The following SYN3 variants were observed in gnomAD, a reference collection of about 807,000 sequenced individuals.
SYN3 encodes the protein synapsin III.
SYN3 carries 35 observed loss-of-function variants against 65.8 expected under a neutral mutation model. The observed-to-expected ratio is 0.53, with a 90% CI of 0.41 to 0.70. The LOEUF is 0.70. Ranked by LOEUF, SYN3 falls within the 30% of genes least tolerant of loss-of-function variation. The pLI, the probability that SYN3 is intolerant of heterozygous loss-of-function variation, is 0.00. For missense variants in SYN3, 680 were observed against 749.0 expected (o/e 0.91, Z 1.08); for synonymous variants, 270 against 292.9 (o/e 0.92, Z 0.80).
At position 32,801,848 on chromosome 22, in the gene SYN3, C is replaced by A; in HGVS notation, c.711+63067G>T. On this transcript the variant is annotated intron_variant, in intron 6 of 13. Transcript: ENST00000358763. This position sits in a 1 kb window ranked among gnomAD's most constrained non-coding sequence, Gnocchi z 4.7. ...AGCCTCGCTGCGCCCCATCCCGTCC[C>A]GCCGGGCACTCGGAGGGCAGCGCGC... The A allele has an allele frequency of 1.0e-6, 1 of 993,622 alleles. No homozygotes were observed. Among genetic ancestry groups the A allele is most frequent in the Non-Finnish European group, 1.3e-6 (1 of 777,904 alleles). 61.6% of individuals were successfully genotyped at this position (993,622 alleles called of 1,614,324 possible).
intron 6 of SYN3, among the ~76,000 whole-genome samples, chr22:32,633,013 G>A (rs1174580679): frequency 2.0e-5 from 3 of 152,138 alleles, no homozygotes; most frequent in African/African-American, 7.2e-5. Context: ...GTTCTCACCC[G>A]GCTCCTTCAC....
intron 6 of SYN3, among the ~76,000 whole-genome samples, chr22:32,619,448 G>C (rs1205691034): frequency 6.6e-6 from 1 of 152,146 alleles, no homozygotes; most frequent in Non-Finnish European, 1.5e-5. Flanking sequence ...AGGTCACTGG[G>C]TCAGACTGTG....
chr22:32,673,067 T>C (rs1201368113), intron 6 of SYN3, among the ~76,000 whole-genome samples: 2 of 152,222 alleles, frequency 1.3e-5, no homozygotes, highest in African/African-American at 2.4e-5. Flanking sequence ...TGTGGATTCC[T>C]TTCTGGGTGT....
At chr22:32,965,850 A>G (rs530958854) in intron 3 of SYN3, among the ~76,000 whole-genome samples, 65 of 152,114 alleles carry the variant, frequency 4.3e-4, no homozygotes, top group Admixed American at 9.2e-4. Context: ...GCCCGCCACC[A>G]CACCCGGCTA....
In SYN3 at chr22:32,787,314, C is replaced by T. The variant is rs951989567; in HGVS notation, c.711+77601G>A. ...CCTCTTGCTTCAACCTCCCAAAGTG[C>T]TGGGATTACAGGCGTGAGCCACCGC... On this transcript the variant is annotated intron_variant, in intron 6 of 13. Transcript: ENST00000358763. Among the ~76,000 whole-genome samples, 91 of 152,214 alleles carry T rather than the reference C, an allele frequency of 6.0e-4. 2 individuals are homozygous for T. The highest frequency in any genetic ancestry group is 2.6e-4 in the Non-Finnish European group (18 of 68,030).
chr22:32,512,540 T>G lies in SYN3; in HGVS notation c.*1152A>C, dbSNP rs1447927487. 6.6e-6 allele frequency: 1 copy of G among 152,182 alleles called. No individual in the cohort carries two copies. Among genetic ancestry groups the G allele is most frequent in the Non-Finnish European group, 1.5e-5 (1 of 68,030 alleles). The allele number at this position is 152,182 out of a possible 1,614,324, so 9.4% of individuals were successfully genotyped here. On this transcript the variant is annotated 3_prime_UTR_variant, in exon 14 of 14. Transcript: ENST00000358763. ...CCAGCTCTGCAACTAACTTATTGAG[T>G]CAAATCATCAGTTTGGATTTAACAA...
chr22:32,779,567 C>T (rs896144593), intron 6 of SYN3, among the ~76,000 whole-genome samples: 15 of 152,300 alleles, frequency 9.8e-5, no homozygotes, highest in Admixed American at 2.0e-4. Flanking sequence ...ATTTAATCTT[C>T]GCTGCAACTC....
intron 3 of SYN3, among the ~76,000 whole-genome samples, chr22:32,946,036 G>T (rs1030374700): frequency 1.3e-5 from 2 of 151,884 alleles, no homozygotes; most frequent in Admixed American, 1.3e-4. Context: ...AAAAAGTCAG[G>T]AAACAACAGG....
chr22:32,859,272 C>T lies in SYN3; in HGVS notation c.711+5643G>A, dbSNP rs1381230900. 3.1e-6 allele frequency: 5 copies of T among 1,614,090 alleles called. No homozygotes were observed. The South Asian group carries it at 3.3e-5, about 11-fold the overall frequency. On this transcript the variant is annotated intron_variant, in intron 6 of 13. Coordinates refer to ENST00000358763, the MANE Select transcript of SYN3 (RefSeq NM_003490.4). ...TCTCCAATTTCGGTTACCCTGGCTA[C>T]CAGTCCAAACACTACGCCTGCATCC... is the stretch of plus-strand genomic sequence containing the variant.
chr22:32,604,992 C>T (rs1237031927), intron 6 of SYN3, among the ~76,000 whole-genome samples: 7 of 130,032 alleles, frequency 5.4e-5, no homozygotes, highest in South Asian at 2.4e-4. Context: ...GGCGATAGAG[C>T]GAGACTCCAT....
chr22:33,032,342 T>C (rs1257725212), intron 1 of SYN3, among the ~76,000 whole-genome samples: 1 of 152,066 alleles, frequency 6.6e-6, no homozygotes, highest in Non-Finnish European at 1.5e-5. Flanking sequence ...ACTCTGTCTC[T>C]ACTAAAAATA....
chr22:32,763,965 TCTCA>T (rs1426109588), intron 6 of SYN3, among the ~76,000 whole-genome samples: 1 of 142,532 alleles, frequency 7.0e-6, no homozygotes, highest in Non-Finnish European at 1.5e-5. Context: ...TGAGACTGAG[TCTCA>T]CTCTGTCGCT....
At chr22:32,732,752 C>A (rs918815548) in intron 6 of SYN3, among the ~76,000 whole-genome samples, 3 of 152,200 alleles carry the variant, frequency 2.0e-5, no homozygotes, top group Admixed American at 2.0e-4. Context: ...AAGGTGGGAA[C>A]CATGTTCATT....
intron 6 of SYN3, among the ~76,000 whole-genome samples, chr22:32,802,599 C>T (rs749255323): frequency 6.6e-6 from 1 of 152,134 alleles, no homozygotes; most frequent in Non-Finnish European, 1.5e-5. Flanking sequence ...TCTCCTGCGC[C>T]TATGAAATTC....
intron 4 of SYN3, among the ~76,000 whole-genome samples, chr22:32,878,400 T>G (rs546491256): frequency 3.3e-5 from 5 of 152,130 alleles, no homozygotes; most frequent in Non-Finnish European, 5.9e-5. Context: ...TCCACTCTGG[T>G]TTTCTCCTCC....
At chr22:32,934,401 G>A (rs552502785) in intron 3 of SYN3, among the ~76,000 whole-genome samples, 179 of 152,310 alleles carry the variant, frequency 1.2e-3, no homozygotes, top group African/African-American at 4.0e-3. Flanking sequence ...TTGTTCAGAT[G>A]TGGGTGTCTA....
rs147600906 is a variant in SYN3, at chr22:33,025,730, C to T, written c.-162-18906G>A. Among the ~76,000 whole-genome samples the T allele has an allele frequency of 2.3e-3, 352 of 152,052 alleles. 1 individual carries two copies. The highest frequency in any genetic ancestry group is 4.0e-3 in the Non-Finnish European group (270 of 67,988). ...TGCTTATGTTGGGGAGGGCAATTTA[C>T]AGTTTGAATTATTAGCCACAATTCT... On this transcript the variant is annotated intron_variant, in intron 1 of 13. Coordinates refer to ENST00000358763, the MANE Select transcript of SYN3 (RefSeq NM_003490.4).
At chr22:32,952,308 G>A (rs1267868909) in intron 3 of SYN3, among the ~76,000 whole-genome samples, 3 of 151,784 alleles carry the variant, frequency 2.0e-5, no homozygotes, top group Admixed American at 6.6e-5. Context: ...GGGTGTGTGT[G>A]TGTGTGGACA....
rs1273544751 is a variant in SYN3 at position 33,028,682 on chromosome 22, GTGGTGGTGA to G, written c.-162-21867_-162-21859del. 8.5e-3 allele frequency among the ~76,000 whole-genome samples: 806 copies of G among 94,678 alleles called. 42 individuals carry two copies. The highest frequency in any genetic ancestry group is 0.037 in the African/African-American group (659 of 17,778). The allele number at this position is 94,678 out of a possible 152,430, so 62.1% of individuals were successfully genotyped here. Reference sequence around the variant, plus strand: ...GGTGGTGGTGGTGGTGGTGGTGGTGGTGGTGGTGATGGTGGTGGTGGTGGTGGTGGTGGG... The same window carrying G: ...GGTGGTGGTGGTGGTGGTGGTGGTGGTGGTGGTGGTGGTGGTGGTGGTGGG... On this transcript the variant is annotated intron_variant, in intron 1 of 13. Coordinates refer to ENST00000358763, the MANE Select transcript of SYN3 (RefSeq NM_003490.4).
Sources: allele counts gnomAD v4.1 joint callset (sites outside exome capture counted in the v4.1 genomes callset), GRCh38; gene constraint gnomAD v4.1.1; non-coding constraint Gnocchi (gnomAD v3.1); transcripts MANE v1.5; gene names NCBI Gene and HGNC (gene_info 2026-07-23, HGNC 2026-07-21).